EPHA6: variants seen among roughly 807,000 people sequenced by gnomAD.
EPHA6 encodes the protein EPH receptor A6.
Under a neutral mutation model 112.0 loss-of-function variants are expected in EPHA6, and 50 were observed. The ratio of observed to expected loss-of-function variants is 0.45; its 90% CI spans 0.36 to 0.56. EPHA6 has a LOEUF of 0.56. Among genes scored for constraint, EPHA6 ranks in the 20% least tolerant of loss-of-function variants. The pLI is 0.00. For synonymous variants in EPHA6, 529 were observed against 490.7 expected, an observed-to-expected ratio of 1.08 and a Z score of -1.03; for missense variants, 1,280 against 1,417.4, an observed-to-expected ratio of 0.90 and a Z score of 1.56.
At chr3:97,563,059 T>A (rs564564884) in intron 11 of EPHA6, among the ~76,000 whole-genome samples, 2 of 152,276 alleles carry the variant, frequency 1.3e-5, no homozygotes, top group East Asian at 3.9e-4. Flanking sequence ...CCAAAAAAAA[T>A]TCATTCGACT....
At chr3:97,089,246 A>G (rs2046993099) in intron 3 of EPHA6, among the ~76,000 whole-genome samples, 2 of 152,218 alleles carry the variant, frequency 1.3e-5, no homozygotes, top group Admixed American at 1.3e-4. Flanking sequence ...AAAAACAGAC[A>G]AAAACTAAAT....
intron 14 of EPHA6, among the ~76,000 whole-genome samples, chr3:97,639,098 T>C (rs74632113): frequency 0.031 from 4,701 of 152,168 alleles, 267 homozygotes; most frequent in African/African-American, 0.11. Context: ...TCTATTAATT[T>C]ATCAATGATA....
intron 2 of EPHA6, among the ~76,000 whole-genome samples, chr3:96,897,691 A>G (rs2038356964): frequency 1.3e-5 from 2 of 152,346 alleles, no homozygotes; most frequent in South Asian, 4.1e-4. Flanking sequence ...ACAGCAAAAT[A>G]AAAAGGGAGA....
At chr3:97,689,069 T>C (rs1042860561) in intron 14 of EPHA6, among the ~76,000 whole-genome samples, 2 of 152,220 alleles carry the variant, frequency 1.3e-5, no homozygotes, top group African/African-American at 2.4e-5. Flanking sequence ...AAGCACATTG[T>C]CAATTTTGAT....
intron 3 of EPHA6, among the ~76,000 whole-genome samples, chr3:97,016,689 T>C (rs1400303839): frequency 1.3e-5 from 2 of 152,348 alleles, no homozygotes; most frequent in East Asian, 3.9e-4. Context: ...TCCCAAATTT[T>C]TCCTTACGCA....
chr3:97,367,770 A>G (rs2108965715), intron 5 of EPHA6, among the ~76,000 whole-genome samples: 1 of 152,212 alleles, frequency 6.6e-6, no homozygotes, highest in East Asian at 1.9e-4. Flanking sequence ...TTCAGGTTAT[A>G]TTACCAGGTT....
chr3:97,356,453 G>T (rs2084083686), intron 5 of EPHA6, among the ~76,000 whole-genome samples: 1 of 152,098 alleles, frequency 6.6e-6, no homozygotes, highest in South Asian at 2.1e-4. Context: ...AAAGACGTTG[G>T]GGACAGCTGT....
chr3:97,050,261 G>C (rs538423204), intron 3 of EPHA6, among the ~76,000 whole-genome samples: 1 of 152,222 alleles, frequency 6.6e-6, no homozygotes, highest in South Asian at 2.1e-4. Flanking sequence ...AGACACTCTG[G>C]ATACACAGCA....
At chr3:97,577,707 G>A (rs1157113661) in intron 11 of EPHA6, among the ~76,000 whole-genome samples, 1 of 152,054 alleles carries the variant, frequency 6.6e-6, no homozygotes, top group Non-Finnish European at 1.5e-5. Context: ...CTAGATAATA[G>A]GAAAAGCAAA....
intron 6 of EPHA6, among the ~76,000 whole-genome samples, chr3:97,423,274 G>T (rs982528812): frequency 2.0e-5 from 3 of 152,032 alleles, no homozygotes; most frequent in African/African-American, 4.8e-5. Context: ...TTGCCCAAAA[G>T]CTCCTAGATC....
intron 1 of EPHA6, among the ~76,000 whole-genome samples, chr3:96,823,169 A>G (rs1203091675): frequency 2.6e-5 from 4 of 151,780 alleles, no homozygotes; most frequent in African/African-American, 9.7e-5. Flanking sequence ...ATATTGCAAA[A>G]CATAATTGAA....
intron 14 of EPHA6, among the ~76,000 whole-genome samples, chr3:97,662,034 A>G (rs922537455): frequency 3.3e-5 from 5 of 152,130 alleles, no homozygotes; most frequent in Admixed American, 1.3e-4. Context: ...TTGGCCACCA[A>G]CTATCTGATA....
chr3:97,673,631 G>C lies in EPHA6; in HGVS notation c.2784+35549G>C, dbSNP rs561596194. On this transcript the variant is annotated intron_variant, in intron 14 of 17. Transcript: ENST00000389672. ...ACTGTAATTTGAGGACAGCGAACAA[G>C]CTTTCCCCAAAAGAAGCCCTCTCTA... Among the ~76,000 whole-genome samples the C allele has an allele frequency of 7.9e-5, 12 of 152,312 alleles. No homozygotes were observed. In the South Asian group the frequency reaches 1.5e-3, roughly 18 times the overall value.
Position 97,446,943 on chromosome 3 carries a change from C to A in EPHA6, c.1732-1625C>A, listed in dbSNP as rs1448212546. 5.3e-5 allele frequency among the ~76,000 whole-genome samples: 8 copies of A among 152,076 alleles called. No individual in the cohort carries two copies. The East Asian group carries it at 1.5e-3, about 29-fold the overall frequency. On this transcript the variant is annotated intron_variant, in intron 6 of 17. Coordinates refer to ENST00000389672, the MANE Select transcript of EPHA6 (RefSeq NM_001080448.3). ...ATTATTTACTTTCTAATCTTAAAAT[C>A]ACCTAGAGATAAATATAAGTTGCAG...
chr3:97,582,638 T>C (rs1469411352), intron 11 of EPHA6, among the ~76,000 whole-genome samples: 1 of 152,226 alleles, frequency 6.6e-6, no homozygotes, highest in African/African-American at 2.4e-5. Context: ...TTTAGTTTCA[T>C]TTTCTTTGGC....
At chr3:97,504,705 C>G (rs765028094) in intron 10 of EPHA6, among the ~76,000 whole-genome samples, 8 of 152,128 alleles carry the variant, frequency 5.3e-5, no homozygotes, top group Non-Finnish European at 1.0e-4. Flanking sequence ...TATTTTTCTT[C>G]CTCCTCTCTC....
chr3:97,341,204 CG>C (rs2108858737), intron 5 of EPHA6, among the ~76,000 whole-genome samples: 1 of 152,062 alleles, frequency 6.6e-6, no homozygotes, highest in South Asian at 2.1e-4. Flanking sequence ...GCAATGGGCA[CG>C]TTGGCTGTCA....
At chr3:97,111,107 C>T (rs998160722) in intron 3 of EPHA6, among the ~76,000 whole-genome samples, 1 of 152,080 alleles carries the variant, frequency 6.6e-6, no homozygotes, top group Non-Finnish European at 1.5e-5. Flanking sequence ...GCAAAACTCT[C>T]CCAAACTCAG....
intron 13 of EPHA6, among the ~76,000 whole-genome samples, chr3:97,623,480 T>G (rs1239282967): frequency 6.6e-6 from 1 of 151,634 alleles, no homozygotes; most frequent in East Asian, 1.9e-4. Flanking sequence ...TAATAGAAAT[T>G]TATTTCTCAC....
Sources: allele counts gnomAD v4.1 joint callset (sites outside exome capture counted in the v4.1 genomes callset), GRCh38; gene constraint gnomAD v4.1.1; transcripts MANE v1.5; gene names NCBI Gene and HGNC (gene_info 2026-07-23, HGNC 2026-07-21).